The following EYA2 variants were observed in gnomAD, a reference collection of about 807,000 sequenced individuals.
EYA2 encodes the protein protein phosphatase EYA2.
A neutral mutation model predicts 69.2 loss-of-function variants in EYA2; 31 were observed. The observed-to-expected ratio is 0.45, with a 90% CI of 0.34 to 0.60. The LOEUF is 0.60. EYA2 is among the 20% of genes least tolerant of loss of function. The probability of loss-of-function intolerance (pLI) is 0.02; values close to 1 mark genes in which losing one functional copy is unlikely to be tolerated. For synonymous variants in EYA2, 257 were observed against 279.4 expected (o/e 0.92, Z 0.80); for missense variants, 622 against 701.2 (o/e 0.89, Z 1.28).
chr20:46,903,668 C>T (rs1292129694), intron 1 of EYA2, among the ~76,000 whole-genome samples: 1 of 152,142 alleles, frequency 6.6e-6, no homozygotes, highest in Admixed American at 6.5e-5. Flanking sequence ...TAATAATGCA[C>T]CTTCCTCAGA....
intron 1 of EYA2, among the ~76,000 whole-genome samples, chr20:46,937,040 A>G (rs1487315168): frequency 6.6e-6 from 1 of 152,168 alleles, no homozygotes; most frequent in East Asian, 1.9e-4. Context: ...CTTTTAATCT[A>G]TAAGCCTTGC....
rs564964819 is a variant in EYA2 at position 47,093,418 on chromosome 20, T to G, written c.805-3667T>G. Among the ~76,000 whole-genome samples the G allele has an allele frequency of 5.1e-4, 77 of 150,550 alleles. No individual in the cohort carries two copies. The South Asian group carries it at 7.5e-3, about 15-fold the overall frequency. On this transcript the variant is annotated intron_variant, in intron 8 of 15. Coordinates refer to ENST00000327619, the MANE Select transcript of EYA2 (RefSeq NM_005244.5). ...GTAGTTTTATTTAGCAGCTTTCTCA[T>G]CAGCAGCTTTCTCACATTAGCTGTC... is the stretch of plus-strand genomic sequence containing the variant.
chr20:47,098,754 C>T (rs1264664348), intron 9 of EYA2, among the ~76,000 whole-genome samples: 7 of 152,182 alleles, frequency 4.6e-5, no homozygotes, highest in Non-Finnish European at 1.0e-4. Context: ...CCACTGCAGC[C>T]CCCTACATTG....
At chr20:47,050,810 G>A (rs901853501) in intron 5 of EYA2, among the ~76,000 whole-genome samples, 1 of 152,210 alleles carries the variant, frequency 6.6e-6, no homozygotes, top group Non-Finnish European at 1.5e-5. Flanking sequence ...TGAAACAAGC[G>A]GCTTTGCAGG....
At chr20:46,910,736 A>G (rs1355995954) in intron 1 of EYA2, among the ~76,000 whole-genome samples, 1 of 152,208 alleles carries the variant, frequency 6.6e-6, no homozygotes, top group Non-Finnish European at 1.5e-5. Flanking sequence ...TCGGGTACAC[A>G]CAGAGGTTGC....
chr20:46,924,669 C>CAAAAAAAAAAAA (rs10568771), intron 1 of EYA2, among the ~76,000 whole-genome samples: 1 of 88,366 alleles, frequency 1.1e-5, no homozygotes, highest in African/African-American at 5.8e-5. Context: ...GACTCCATCT[C>CAAAAAAAAAAAA]AAAAAAAAAA....
chr20:46,895,171 G>A (rs925528069), intron 1 of EYA2, among the ~76,000 whole-genome samples, 184 bp downstream of exon 1: 2 of 152,218 alleles, frequency 1.3e-5, no homozygotes, highest in Admixed American at 1.3e-4. Context: ...CAAGGGCAGA[G>A]GGGACAGCAG....
intron 9 of EYA2, among the ~76,000 whole-genome samples, chr20:47,128,843 C>T (rs912501184): frequency 2.0e-5 from 3 of 152,144 alleles, no homozygotes; most frequent in African/African-American, 7.2e-5. Context: ...AAAAAAATGG[C>T]CAGGCACGGT....
At chr20:47,089,412 G>A in intron 8 of EYA2, 31 bp downstream of exon 8, 1 of 1,591,496 alleles carries the variant, frequency 6.3e-7, no homozygotes, top group Middle Eastern at 1.7e-4. Context: ...GTGACCTGGT[G>A]AATGTAATCT....
rs1028420013 is a variant in EYA2, at chr20:47,188,316, A to C, written c.*183A>C. 6.4e-6 allele frequency: 4 copies of C among 624,208 alleles called. No individual in the cohort carries two copies. The highest frequency in any genetic ancestry group is 1.1e-5 in the Non-Finnish European group (4 of 350,690). The allele number at this position is 624,208 out of a possible 1,614,324, so 38.7% of individuals were successfully genotyped here. A position where few individuals can be genotyped will look rare whatever the true frequency, so the allele number is the denominator to read the frequency against. ...AGTCCAAATGGGGGTTCTGAGAAGG[A>C]AAGTACCCAACATTGGCTTCGGAGT... On this transcript the variant is annotated 3_prime_UTR_variant, in exon 16 of 16. Coordinates refer to ENST00000327619, the MANE Select transcript of EYA2 (RefSeq NM_005244.5).
In EYA2 at chr20:46,951,953, T is replaced by G. The variant is rs538349276; in HGVS notation, c.-10-38048T>G. ...TCTCTCCCTCTTCCTTCCTCTCTCTTAACAAATATTTATTATGCTCCTACT... is the reference window on the plus strand; with the variant it reads ...TCTCTCCCTCTTCCTTCCTCTCTCTGAACAAATATTTATTATGCTCCTACT... On this transcript the variant is annotated intron_variant, in intron 1 of 15. Coordinates refer to ENST00000327619, the MANE Select transcript of EYA2 (RefSeq NM_005244.5). 1.2e-4 allele frequency among the ~76,000 whole-genome samples: 18 copies of G among 152,344 alleles called. No individual in the cohort carries two copies. In the East Asian group the frequency reaches 3.3e-3, roughly 28 times the overall value.
rs1361424233 is a variant in EYA2 at position 47,173,515 on chromosome 20, A to AAG, written c.1198+649_1198+650insGA. 3.6e-3 allele frequency among the ~76,000 whole-genome samples: 518 copies of AAG among 143,272 alleles called. 12 individuals are homozygous for AAG. The highest frequency in any genetic ancestry group is 0.014 in the African/African-American group (494 of 34,178). 94.0% of individuals were successfully genotyped at this position (143,272 alleles called of 152,430 possible). ...GCAACAAAGTGAGACCCCGTAAAAA[A>AAG]AAAAAAAAAAAAAAAAACGTGCAGG... On this transcript the variant is annotated intron_variant, in intron 12 of 15. Transcript: ENST00000327619.
At chr20:47,105,371 T>A (rs2032543913) in intron 9 of EYA2, among the ~76,000 whole-genome samples, 1 of 152,168 alleles carries the variant, frequency 6.6e-6, no homozygotes, top group African/African-American at 2.4e-5. Context: ...ATGCCTGTAA[T>A]CCCAGCACTT....
intron 5 of EYA2, among the ~76,000 whole-genome samples, chr20:47,048,712 G>A (rs1163865334): frequency 6.6e-6 from 1 of 152,170 alleles, no homozygotes; most frequent in Non-Finnish European, 1.5e-5. Flanking sequence ...ATGCCAGTCT[G>A]GGCGACAAGA....
intron 1 of EYA2, among the ~76,000 whole-genome samples, chr20:46,930,192 A>C (rs6090583): frequency 6.6e-6 from 1 of 151,982 alleles, no homozygotes; most frequent in Admixed American, 6.6e-5. Context: ...GAGATTTTGC[A>C]TAAGTATCAA....
chr20:47,017,228 T>G (rs1248917074), intron 5 of EYA2, among the ~76,000 whole-genome samples: 1 of 152,180 alleles, frequency 6.6e-6, no homozygotes, highest in Non-Finnish European at 1.5e-5. Flanking sequence ...GGATCCCCAT[T>G]CTGCTGTTTC....
chr20:46,957,195 C>T (rs1016101811), intron 1 of EYA2, among the ~76,000 whole-genome samples: 2 of 152,190 alleles, frequency 1.3e-5, no homozygotes, highest in African/African-American at 4.8e-5. Context: ...ACTGTCATGT[C>T]CTTGGGACCT....
chr20:46,988,608 T>C (rs1981448377), intron 1 of EYA2, among the ~76,000 whole-genome samples: 1 of 152,262 alleles, frequency 6.6e-6, no homozygotes, highest in Non-Finnish European at 1.5e-5. Flanking sequence ...TAAATGTTAC[T>C]GGTTGTAGTT....
chr20:47,114,075 G>A (rs967717133), intron 9 of EYA2, among the ~76,000 whole-genome samples: 5 of 152,138 alleles, frequency 3.3e-5, no homozygotes, highest in African/African-American at 1.2e-4. Context: ...GGGAGAATGG[G>A]CAGAACTCAC....
Sources: allele counts gnomAD v4.1 joint callset (sites outside exome capture counted in the v4.1 genomes callset), GRCh38; gene constraint gnomAD v4.1.1; transcripts MANE v1.5; gene names NCBI Gene and HGNC (gene_info 2026-07-23, HGNC 2026-07-21).